The following WNT8A variants were observed in gnomAD, a reference collection of about 807,000 sequenced individuals.
WNT8A encodes Wnt family member 8A, also known as protein Wnt-8a.
WNT8A carries 14 observed loss-of-function variants against 20.5 expected under a neutral mutation model. The observed-to-expected ratio is 0.68, with a 90% CI of 0.45 to 1.07. WNT8A has a LOEUF of 1.07. Among genes scored for constraint, WNT8A ranks in the 50% least tolerant of loss-of-function variants. The pLI, the probability that WNT8A is intolerant of heterozygous loss-of-function variation, is 0.00. For synonymous variants in WNT8A, 167 were observed against 169.2 expected (o/e 0.99, Z 0.10); for missense variants, 397 against 462.9 (o/e 0.86, Z 1.31).
In WNT8A at chr5:138,084,389, C is replaced by G. The variant is rs1174229020; in HGVS notation, c.156+106C>G. The G allele has an allele frequency of 2.6e-6, 4 of 1,551,158 alleles. No homozygotes were observed. In the African/African-American group the frequency reaches 5.5e-5, roughly 21 times the overall value. On this transcript the variant is annotated intron_variant, in intron 1 of 4. Coordinates refer to ENST00000506684, the MANE Select transcript of WNT8A (RefSeq NM_001300939.2). Reference sequence around the variant, plus strand: ...TGCCAGAGCCCCTCACCCAGAGGAACCCATGGTTGATTCTTAATGGAGAGC... The same window carrying G: ...TGCCAGAGCCCCTCACCCAGAGGAAGCCATGGTTGATTCTTAATGGAGAGC...
chr5:138,083,676 G>A (rs141038629), upstream of WNT8A, among the ~76,000 whole-genome samples: 16 of 152,292 alleles, frequency 1.1e-4, no homozygotes, highest in East Asian at 1.9e-3. Flanking sequence ...TGAGGACACT[G>A]TAGCTCCAAG....
intron 2 of WNT8A, 30 bp downstream of exon 2, chr5:138,084,666 G>C (rs200638080): frequency 1.9e-6 from 3 of 1,584,000 alleles, no homozygotes; most frequent in Non-Finnish European, 2.6e-6. Context: ...ACCTGTACAA[G>C]GGGTATATAT....
At chr5:138,087,333 G>T (rs1312969516) in intron 2 of WNT8A, among the ~76,000 whole-genome samples, 3 of 139,752 alleles carry the variant, frequency 2.1e-5, no homozygotes, top group East Asian at 2.3e-4. Flanking sequence ...GGGCAACAGA[G>T]TGAGACTCTG....
chr5:138,085,469 T>C (rs1750629860), intron 2 of WNT8A, among the ~76,000 whole-genome samples: 1 of 152,130 alleles, frequency 6.6e-6, no homozygotes, highest in Non-Finnish European at 1.5e-5. Flanking sequence ...CGTGCACCCA[T>C]TTGTAACTGT....
At chr5:138,087,133 G>A (rs1380646152) in intron 2 of WNT8A, among the ~76,000 whole-genome samples, 1 of 143,576 alleles carries the variant, frequency 7.0e-6, no homozygotes, top group African/African-American at 2.6e-5. Context: ...CAGGCAGGTG[G>A]GTCACCTGAG....
At chr5:138,085,585 A>G (rs217267) in intron 2 of WNT8A, among the ~76,000 whole-genome samples, 45,702 of 151,998 alleles carry the variant, frequency 0.3, 7,066 homozygotes, top group South Asian at 0.38. Flanking sequence ...TGTTGGAACC[A>G]TGCCTATAAT....
At chr5:138,089,273 A>G (rs1410378165) in intron 4 of WNT8A, among the ~76,000 whole-genome samples, 5 of 152,230 alleles carry the variant, frequency 3.3e-5, no homozygotes, top group Non-Finnish European at 7.3e-5. Flanking sequence ...AGAGACAGGC[A>G]GTGAACTCAG....
intron 2 of WNT8A, among the ~76,000 whole-genome samples, chr5:138,087,416 A>G (rs1750700976): frequency 6.6e-6 from 1 of 152,036 alleles, no homozygotes; most frequent in African/African-American, 2.4e-5. Flanking sequence ...GCACTTTGGG[A>G]GGCCAAGGAG....
At chr5:138,082,563 A>G (rs897258440), upstream of WNT8A, among the ~76,000 whole-genome samples, 3 of 150,636 alleles carry the variant, frequency 2.0e-5, no homozygotes, top group Non-Finnish European at 4.4e-5. Flanking sequence ...GGGTGACAAG[A>G]GTGAAACTCT....
At chr5:138,081,889 C>A (rs760697988), upstream of WNT8A, among the ~76,000 whole-genome samples, 3 of 152,172 alleles carry the variant, frequency 2.0e-5, no homozygotes, top group Non-Finnish European at 4.4e-5. Flanking sequence ...GTCAGAAGGA[C>A]AACAGTCAGT....
chr5:138,090,569 CA>C lies in WNT8A; in HGVS notation c.607del (p.Ile203SerfsTer24). 25 of 1,614,136 alleles carry C rather than the reference CA, an allele frequency of 1.5e-5. No individual in the cohort carries two copies. The highest frequency in any genetic ancestry group is 2.1e-5 in the Non-Finnish European group (25 of 1,180,020). ...TMKRTCKCHG[I>X]SGSCSIQTCW... ...TGAAAAGGACATGCAAATGTCATGGCATCTCTGGGAGCTGCAGCATACAGAC... is the reference window on the plus strand; with the variant it reads ...TGAAAAGGACATGCAAATGTCATGGCTCTCTGGGAGCTGCAGCATACAGAC... On this transcript the variant is annotated frameshift_variant, in exon 5 of 5. Coordinates refer to ENST00000506684, the MANE Select transcript of WNT8A (RefSeq NM_001300939.2). LOFTEE classifies it low-confidence loss of function (END_TRUNC).
Position 138,088,278 on chromosome 5 carries a change from C to G in WNT8A, c.421+347C>G, listed in dbSNP as rs371227766. Among the ~76,000 whole-genome samples the G allele has an allele frequency of 9.2e-5, 14 of 152,100 alleles. No homozygotes were observed. The South Asian group carries it at 2.7e-3, about 29-fold the overall frequency. On this transcript the variant is annotated intron_variant, in intron 3 of 4. Coordinates refer to ENST00000506684, the MANE Select transcript of WNT8A (RefSeq NM_001300939.2). ...CTAAGACACTTACTCAGATTTATCA[C>G]TAATGAAGGAGGTAGTAGCCTTTAC... is the stretch of plus-strand genomic sequence containing the variant.
chr5:138,090,790 A>T lies in WNT8A; in HGVS notation c.827A>T (p.Tyr276Phe), dbSNP rs767265949. Reference protein sequence around the residue: ...ELIFLEESPDYCTCNSSLGIY... With the variant: ...ELIFLEESPDFCTCNSSLGIY... ...ATCTTTTTAGAGGAATCACCAGATT[A>T]CTGTACCTGCAATTCCAGCCTGGGC... Residue 276 changes from tyrosine to phenylalanine, a missense_variant, in exon 5 of 5, where the codon TAC becomes TTC. Coordinates refer to ENST00000506684, the MANE Select transcript of WNT8A (RefSeq NM_001300939.2). 4 of 1,614,128 alleles carry T rather than the reference A, an allele frequency of 2.5e-6. No individual in the cohort carries two copies. In the Admixed American group the frequency reaches 6.7e-5, roughly 27 times the overall value.
downstream of WNT8A, chr5:138,091,607 C>A: frequency 1.2e-6 from 1 of 849,942 alleles, no homozygotes; most frequent in Non-Finnish European, 1.6e-6. Flanking sequence ...CCCAAGTATG[C>A]ACTTTTGAAA....
intron 2 of WNT8A, among the ~76,000 whole-genome samples, chr5:138,085,497 T>C (rs934796210): frequency 3.9e-5 from 6 of 152,104 alleles, no homozygotes; most frequent in African/African-American, 1.4e-4. Context: ...AGTTTGCATG[T>C]CATTTTTGAA....
the WNT8A span, among the ~76,000 whole-genome samples, chr5:138,078,127 G>A: frequency 6.6e-6 from 1 of 151,970 alleles, no homozygotes; most frequent in African/African-American, 2.4e-5. Context: ...AAATTGAAGG[G>A]GCCAAAGGGA....
chr5:138,078,456 C>A, the WNT8A span, among the ~76,000 whole-genome samples: 1 of 152,188 alleles, frequency 6.6e-6, no homozygotes, highest in African/African-American at 2.4e-5. Flanking sequence ...CCTGTAGGCT[C>A]AGAGCCCTGC....
rs1750849209 is a variant in WNT8A at position 138,091,337 on chromosome 5, G to A, written c.*264G>A. 1 of 1,467,232 alleles carries A rather than the reference G, an allele frequency of 6.8e-7. No homozygotes were observed. The highest frequency in any genetic ancestry group is 9.1e-7 in the Non-Finnish European group (1 of 1,097,298). 90.9% of individuals were successfully genotyped at this position (1,467,232 alleles called of 1,614,324 possible). A position where few individuals can be genotyped will look rare whatever the true frequency, so the allele number is the denominator to read the frequency against. ...AAACTACTTTCCCATCTTTGTGCCT[G>A]TACTTATGCAGCTTTCTACAGGGAG... On this transcript the variant is annotated 3_prime_UTR_variant, in exon 5 of 5. Coordinates refer to ENST00000506684, the MANE Select transcript of WNT8A (RefSeq NM_001300939.2).
At position 138,090,637 on chromosome 5, in the gene WNT8A, A is replaced by T. The variant is rs777906224; in HGVS notation, c.674A>T (p.Tyr225Phe). The stretch of plus-strand genomic sequence containing the variant: ...GCTGAATTCCGGGAGATGGGAGACT[A>T]CCTAAAGGCCAAGTATGACCAGGCG... ...QLAEFREMGDYLKAKYDQALK... is the reference protein window; with the variant it reads ...QLAEFREMGDFLKAKYDQALK... Residue 225 changes from tyrosine (Y) to phenylalanine (F), a missense_variant, in exon 5 of 5, where the codon TAC becomes TTC. Physicochemically the swap from Tyr to Phe is conservative, Grantham distance 22. Transcript: ENST00000506684. 7.4e-6 allele frequency: 12 copies of T among 1,614,094 alleles called. No individual in the cohort carries two copies. The South Asian group carries it at 9.9e-5, about 13-fold the overall frequency.
Sources: gnomAD v4.1 joint callset for allele counts (sites outside exome capture counted in the v4.1 genomes callset) on GRCh38, gnomAD v4.1.1 for gene constraint, MANE v1.5 for transcripts, NCBI Gene and HGNC (gene_info 2026-07-23, HGNC 2026-07-21) for gene names.